Variants in RNFT2 observed in about 807,000 individuals in gnomAD.
RNFT2 encodes ring finger protein, transmembrane 2.
Under a neutral mutation model 53.0 loss-of-function variants are expected in RNFT2, and 36 were observed. The ratio of observed to expected loss-of-function variants is 0.68; its 90% confidence interval spans 0.52 to 0.90. The LOEUF (loss-of-function observed/expected upper bound fraction) is 0.90. RNFT2 is among the 40% of genes least tolerant of loss of function. RNFT2 has a pLI of 0.00. For synonymous variants in RNFT2, 260 were observed against 253.2 expected (o/e 1.03, Z -0.26); for missense variants, 514 against 585.6 (o/e 0.88, Z 1.26).
intron 5 of RNFT2, among the ~76,000 whole-genome samples, chr12:116,765,122 C>T (rs1020521256): frequency 6.6e-6 from 1 of 152,126 alleles, no homozygotes; most frequent in Non-Finnish European, 1.5e-5. Flanking sequence ...TAAGCTTAGG[C>T]GTCGCAGCTG....
chr12:116,751,993 CTG>C (rs1872271961), intron 4 of RNFT2, among the ~76,000 whole-genome samples: 1 of 152,042 alleles, frequency 6.6e-6, no homozygotes, highest in Non-Finnish European at 1.5e-5. Context: ...GGCTTATACA[CTG>C]TTGTTTTAGT....
chr12:116,836,577 C>G (rs974895226), intron 10 of RNFT2, among the ~76,000 whole-genome samples: 1 of 152,110 alleles, frequency 6.6e-6, no homozygotes, highest in African/African-American at 2.4e-5. Flanking sequence ...ATTCTTGACC[C>G]CCTGTGGGTC....
chr12:116,755,728 T>C, intron 5 of RNFT2: 1 of 1,489,496 alleles, frequency 6.7e-7, no homozygotes, highest in Non-Finnish European at 9.3e-7. Flanking sequence ...GCATTCCTTT[T>C]TGAACAGTAC....
At chr12:116,841,844 TAAATATATATAAAA>T (rs1877303255) in intron 10 of RNFT2, among the ~76,000 whole-genome samples, 5 of 26,982 alleles carry the variant, frequency 1.9e-4, no homozygotes, top group African/African-American at 4.3e-4. Flanking sequence ...AATATATATA[TAAATATATATAAAA>T]ATATATATAT....
At chr12:116,804,549 G>T (rs549524043) in intron 7 of RNFT2, among the ~76,000 whole-genome samples, 1 of 152,196 alleles carries the variant, frequency 6.6e-6, no homozygotes, top group South Asian at 2.1e-4. Context: ...TTACCATTAT[G>T]TATATTACAG....
At chr12:116,803,552 G>T (rs1217132441) in intron 7 of RNFT2, among the ~76,000 whole-genome samples, 1 of 152,052 alleles carries the variant, frequency 6.6e-6, no homozygotes, top group Non-Finnish European at 1.5e-5. Flanking sequence ...ATTAATCAGG[G>T]TATCCCAGGT....
At chr12:116,742,643 TA>T (rs1053473842) in intron 3 of RNFT2, among the ~76,000 whole-genome samples, 10 of 152,130 alleles carry the variant, frequency 6.6e-5, no homozygotes, top group African/African-American at 2.2e-4. Flanking sequence ...GCTGCGTGTG[TA>T]AAACTTAGAT....
Position 116,783,612 on chromosome 12 carries a change from G to T in RNFT2, c.882+4264G>T, listed in dbSNP as rs1873805896. 2.0e-5 allele frequency among the ~76,000 whole-genome samples: 3 copies of T among 152,218 alleles called. No homozygotes were observed. The South Asian group carries it at 6.2e-4, about 31-fold the overall frequency. On this transcript the variant is annotated intron_variant, in intron 7 of 10. Transcript: ENST00000257575. The stretch of plus-strand genomic sequence containing the variant: ...GCAATAACACCCCTCCCTGTGCCCA[G>T]CTACAGCCAAGCTCTGACCCCAGGA...
intron 6 of RNFT2, among the ~76,000 whole-genome samples, chr12:116,771,098 T>C (rs1873154460): frequency 6.6e-6 from 1 of 152,084 alleles, no homozygotes; most frequent in Admixed American, 6.6e-5. Flanking sequence ...AAATATTTGC[T>C]CTCTGTTTTT....
chr12:116,766,787 A>G, intron 5 of RNFT2, 27 bp from the exon 6 acceptor site: 1 of 1,538,028 alleles, frequency 6.5e-7, no homozygotes, highest in South Asian at 1.2e-5. Context: ...CACCTTTGAT[A>G]TCACATATCT....
chr12:116,773,495 C>T (rs1873290352), intron 6 of RNFT2, among the ~76,000 whole-genome samples: 1 of 152,170 alleles, frequency 6.6e-6, no homozygotes, highest in Non-Finnish European at 1.5e-5. Context: ...ATGACTTAGC[C>T]GTTCACTGGC....
intron 7 of RNFT2, among the ~76,000 whole-genome samples, chr12:116,809,970 T>G (rs1222181471): frequency 3.9e-5 from 6 of 152,150 alleles, no homozygotes; most frequent in Non-Finnish European, 5.9e-5. Flanking sequence ...CCACCGTGCC[T>G]AGGCCAGAAA....
At chr12:116,842,422 G>A (rs1397203525) in intron 10 of RNFT2, among the ~76,000 whole-genome samples, 1 of 152,064 alleles carries the variant, frequency 6.6e-6, no homozygotes, top group Non-Finnish European at 1.5e-5. Context: ...CTGCCACTTA[G>A]CAGCTGTGTA....
intron 5 of RNFT2, among the ~76,000 whole-genome samples, chr12:116,765,007 A>G (rs557321764): frequency 3.9e-5 from 6 of 152,302 alleles, no homozygotes; most frequent in African/African-American, 1.2e-4. Flanking sequence ...GGATCTCTGT[A>G]TCCATGGACG....
Position 116,852,624 on chromosome 12 carries a change from T to C in RNFT2, c.*3176T>C. On this transcript the variant is annotated 3_prime_UTR_variant, in exon 11 of 11. Transcript: ENST00000257575. ...AACAGGAACTTCTGCAACTGGTTTTTATCGGAAAGATCATCCTGCCTGCAG... is the reference window on the plus strand; with the variant it reads ...AACAGGAACTTCTGCAACTGGTTTTCATCGGAAAGATCATCCTGCCTGCAG... 1 of 1,613,990 alleles carries C rather than the reference T, an allele frequency of 6.2e-7. No individual in the cohort carries two copies. Among genetic ancestry groups the C allele is most frequent in the Non-Finnish European group, 8.5e-7 (1 of 1,179,858 alleles).
At chr12:116,753,053 T>C (rs1224546084) in intron 4 of RNFT2, among the ~76,000 whole-genome samples, 6 of 152,154 alleles carry the variant, frequency 3.9e-5, no homozygotes, top group Non-Finnish European at 1.5e-5. Context: ...GCCTGGGTCA[T>C]GTTTGTCTGT....
At chr12:116,818,670 CCT>C (rs1376895638) in intron 7 of RNFT2, among the ~76,000 whole-genome samples, 1 of 152,208 alleles carries the variant, frequency 6.6e-6, no homozygotes, top group African/African-American at 2.4e-5. Context: ...CGGAAGCCTT[CCT>C]CTTTTTCTGG....
chr12:116,759,122 TTC>T (rs1487768755), intron 5 of RNFT2, among the ~76,000 whole-genome samples: 1 of 152,178 alleles, frequency 6.6e-6, no homozygotes, highest in Non-Finnish European at 1.5e-5. Context: ...AGCTCTGAAT[TTC>T]TTTCTTCTAC....
chr12:116,805,429 G>A (rs1251456264), intron 7 of RNFT2, among the ~76,000 whole-genome samples: 1 of 152,146 alleles, frequency 6.6e-6, no homozygotes, highest in Non-Finnish European at 1.5e-5. Flanking sequence ...GAACAGGCCA[G>A]CAGGCTGAAA....
Sources: gnomAD v4.1 joint callset for allele counts (sites outside exome capture counted in the v4.1 genomes callset) on GRCh38, gnomAD v4.1.1 for gene constraint, MANE v1.5 for transcripts, NCBI Gene and HGNC (gene_info 2026-07-23, HGNC 2026-07-21) for gene names.